The following TRIL variants were observed in gnomAD, a reference collection of about 807,000 sequenced individuals.
The protein encoded by TRIL is TLR4 interactor with leucine rich repeats.
TRIL carries 23 observed loss-of-function variants against 43.0 expected under a neutral mutation model. That is an observed-to-expected ratio of 0.54 (90% CI 0.39 to 0.76). The LOEUF is 0.76. Among genes scored for constraint, TRIL ranks in the 30% least tolerant of loss-of-function variants. The pLI is 0.00. For synonymous variants in TRIL, 602 were observed against 556.8 expected (o/e 1.08, Z -1.14); for missense variants, 1,114 against 1,139.3 (o/e 0.98, Z 0.32).
chr7:28,955,802 G>C lies in TRIL; in HGVS notation c.2245C>G (p.Arg749Gly), dbSNP rs1168987426. 6.5e-7 allele frequency: 1 copy of C among 1,550,052 alleles called. No homozygotes were observed. The highest frequency in any genetic ancestry group is 2.0e-5 in the Admixed American group (1 of 51,002). ...RHMYSTRRPL[R>G]SMGTGVSADF... ...GCGGACACGCCGGTGCCCATGGAGC[G>C]CAGGGGCCGTCGGGTGGAGTACATG... Residue 749 changes from arginine (R) to glycine (G), a missense_variant, in exon 1 of 1, where the codon CGC becomes GGC. Coordinates refer to ENST00000539664, the MANE Select transcript of TRIL (RefSeq NM_014817.4).
rs1222296705 is a variant in TRIL at position 28,956,663 on chromosome 7, AT to A, written c.1383del (p.Leu463Ter). ...CCATCCCAGGCCACCCCAGCTAGAA[AT>A]CGCCCCTGCTGCTGGAGCTGCGGCT... ...PPQPQLQQQGRFLAGVAWDGA... is the reference protein window; with the variant it reads ...PPQPQLQQQGXFLAGVAWDGA... On this transcript the variant is annotated frameshift_variant, in exon 1 of 1. Transcript: ENST00000539664. LOFTEE classifies it high-confidence loss of function. 1 of 1,575,714 alleles carries A rather than the reference AT, an allele frequency of 6.3e-7. No individual in the cohort carries two copies. Among genetic ancestry groups the A allele is most frequent in the Non-Finnish European group, 8.6e-7 (1 of 1,165,186 alleles).
Position 28,957,156 on chromosome 7 carries a change from C to T in TRIL, c.891G>A (p.Leu297=), listed in dbSNP as rs1179193298. The T allele has an allele frequency of 4.4e-6, 7 of 1,589,700 alleles. No homozygotes were observed. Among genetic ancestry groups the T allele is most frequent in the Non-Finnish European group, 5.1e-6 (6 of 1,171,262 alleles). ...GCGCCTCCAGGCTGTGCAGAGGCTCCAGCAGCGCAGTTGGCAGCTGGCTCA... is the reference window on the plus strand; with the variant it reads ...GCGCCTCCAGGCTGTGCAGAGGCTCTAGCAGCGCAGTTGGCAGCTGGCTCA... ...NRLSQLPTAL[L]EPLHSLEALD... The change falls in exon 1 of 1, where the codon CTG becomes CTA. Residue 297 remains leucine (L), a synonymous_variant. Transcript: ENST00000539664.
In TRIL at chr7:28,956,383, A is replaced by C. The variant is rs1180214890; in HGVS notation, c.1664T>G (p.Leu555Arg). The C allele has an allele frequency of 1.3e-6, 2 of 1,534,942 alleles. No homozygotes were observed. Among genetic ancestry groups the C allele is most frequent in the Non-Finnish European group, 1.7e-6 (2 of 1,146,682 alleles). The change falls in exon 1 of 1, where the codon CTG becomes CGG. Residue 555 changes from leucine (L) to arginine (R), a missense_variant. Transcript: ENST00000539664. ...DPWQRATKHR[L>R]GTEHQERAAQ... ...GGCACGCTCCTGGTGCTCCGTGCCC[A>C]GACGATGCTTCGTCGCGCGCTGCCA... is the stretch of plus-strand genomic sequence containing the variant.
rs1174999035 is a variant in TRIL, at chr7:28,957,779, G to A, written c.268C>T (p.Leu90=). The A allele has an allele frequency of 6.2e-7, 1 of 1,613,990 alleles. No homozygotes were observed. The highest frequency in any genetic ancestry group is 1.3e-5 in the African/African-American group (1 of 75,058). Residue 90 remains leucine (L), a synonymous_variant, in exon 1 of 1, where the codon CTG becomes TTG. Coordinates refer to ENST00000539664, the MANE Select transcript of TRIL (RefSeq NM_014817.4). ...AGAGAGCGGATCTGGTTGTACTGCA[G>A]GTCCAGCCGTCTGAGCTGCCCCAGA... ...HRLGQLRRLD[L]QYNQIRSLHP...
chr7:28,954,458 A>G lies in TRIL; in HGVS notation c.*1153T>C, dbSNP rs770495092. 4 of 152,512 alleles carry G rather than the reference A, an allele frequency of 2.6e-5. No individual in the cohort carries two copies. Among genetic ancestry groups the G allele is most frequent in the Non-Finnish European group, 5.9e-5 (4 of 68,012 alleles). 9.4% of individuals were successfully genotyped at this position (152,512 alleles called of 1,614,324 possible). On this transcript the variant is annotated 3_prime_UTR_variant, in exon 1 of 1. Coordinates refer to ENST00000539664, the MANE Select transcript of TRIL (RefSeq NM_014817.4). ...ATACCCACTGGTGTATTTTTTTCAC[A>G]TTTGTTTTCTATAATTTCTTCCCCT...
rs374090229 is a variant in TRIL at position 28,956,103 on chromosome 7, C to T, written c.1944G>A (p.Leu648=). The T allele has an allele frequency of 5.4e-4, 848 of 1,557,926 alleles. 5 individuals are homozygous for T. The African/African-American group carries it at 0.01, about 19-fold the overall frequency. The change falls in exon 1 of 1, where the codon CTG becomes CTA. Residue 648 remains leucine, a synonymous_variant. Coordinates refer to ENST00000539664, the MANE Select transcript of TRIL (RefSeq NM_014817.4). ...AGGGGGTGTCCCCGCGCAGCTCGCG[C>T]AGCGTGGCCGAGTCGCTGCTCTCAG... ...YLPESSDSAT[L]RELRGDTPYL...
At position 28,956,582 on chromosome 7, in the gene TRIL, G is replaced by A. The variant is rs762023109; in HGVS notation, c.1465C>T (p.Pro489Ser). The change falls in exon 1 of 1, where the codon CCG becomes TCG. Residue 489 changes from proline to serine, a missense_variant. Physicochemically the swap from Pro to Ser is moderately conservative, Grantham distance 74 (BLOSUM62 -1). Coordinates refer to ENST00000539664, the MANE Select transcript of TRIL (RefSeq NM_014817.4). ...RSALRLSRRG[P>S]GLQQPSPSVA... Reference sequence around the variant, plus strand: ...GAGGGGCTGGGCTGCTGGAGGCCCGGGCCCCGCCGACTCAGCCTTAGGGCG... The same window carrying A: ...GAGGGGCTGGGCTGCTGGAGGCCCGAGCCCCGCCGACTCAGCCTTAGGGCG... 7.7e-6 allele frequency: 12 copies of A among 1,555,330 alleles called. No individual in the cohort carries two copies. The highest frequency in any genetic ancestry group is 1.0e-5 in the Non-Finnish European group (12 of 1,158,620).
In TRIL at chr7:28,957,167, T is replaced by G. The variant is rs61733930; in HGVS notation, c.880A>C (p.Thr294Pro). ...CTGTGCAGAGGCTCCAGCAGCGCAG[T>G]TGGCAGCTGGCTCAGCCGATTACCC... ...LEGNRLSQLP[T>P]ALLEPLHSLE... is the part of the protein sequence containing the mutation. Residue 294 changes from threonine (T) to proline (P), a missense_variant, in exon 1 of 1, where the codon ACT becomes CCT. Coordinates refer to ENST00000539664, the MANE Select transcript of TRIL (RefSeq NM_014817.4). The G allele has an allele frequency of 2.8e-4, 450 of 1,593,368 alleles. No homozygotes were observed. In the African/African-American group the frequency reaches 5.3e-3, roughly 19 times the overall value.
In TRIL at chr7:28,956,530, G is replaced by A. The variant is rs1473682088; in HGVS notation, c.1517C>T (p.Pro506Leu). The part of the protein sequence containing the change: ...PSVAAAAGPA[P>L]QSLDLHKKPQ... ...CTTCTTGTGCAGGTCTAGGGACTGT[G>A]GAGCCGGGCCCGCGGCGGCAGCGAC... The change falls in exon 1 of 1, where the codon CCA becomes CTA. Residue 506 changes from proline (P) to leucine (L), a missense_variant. Coordinates refer to ENST00000539664, the MANE Select transcript of TRIL (RefSeq NM_014817.4). The A allele has an allele frequency of 1.7e-5, 26 of 1,561,128 alleles. No homozygotes were observed. The highest frequency in any genetic ancestry group is 2.2e-5 in the Non-Finnish European group (25 of 1,161,756).
At position 28,956,129 on chromosome 7, in the gene TRIL, G is replaced by A; in HGVS notation, c.1918C>T (p.Pro640Ser). Residue 640 changes from proline (P) to serine (S), a missense_variant, in exon 1 of 1, where the codon CCT becomes TCT. Coordinates refer to ENST00000539664, the MANE Select transcript of TRIL (RefSeq NM_014817.4). Reference sequence around the variant, plus strand: ...AGCGTGGCCGAGTCGCTGCTCTCAGGCAGGTAGACGAAGCGGTGGAACTTG... The same window carrying A: ...AGCGTGGCCGAGTCGCTGCTCTCAGACAGGTAGACGAAGCGGTGGAACTTG... The part of the protein sequence containing the change: ...QPKFHRFVYL[P>S]ESSDSATLRE... 1.9e-6 allele frequency: 3 copies of A among 1,564,796 alleles called. No homozygotes were observed. The highest frequency in any genetic ancestry group is 2.6e-6 in the Non-Finnish European group (3 of 1,156,670).
chr7:28,955,738 G>C lies in TRIL; in HGVS notation c.2309C>G (p.Thr770Ser). 6.4e-7 allele frequency: 1 copy of C among 1,550,410 alleles called. No homozygotes were observed. Among genetic ancestry groups the C allele is most frequent in the Middle Eastern group, 1.7e-4 (1 of 5,974 alleles). The stretch of plus-strand genomic sequence containing the variant: ...GTCCGCCTCACTGAGCGCGCACACG[G>C]TGGTGCGTGGCCGGTGCGACTGGAA... ...SGFQSHRPRT[T>S]VCALSEADLI... Residue 770 changes from threonine to serine, a missense_variant, in exon 1 of 1, where the codon ACC (threonine) becomes AGC (serine). Thr to Ser is a moderately conservative substitution (Grantham distance 58). Transcript: ENST00000539664.
In TRIL at chr7:28,957,390, C is replaced by T; in HGVS notation, c.657G>A (p.Leu219=). 4 of 1,613,472 alleles carry T rather than the reference C, an allele frequency of 2.5e-6. No individual in the cohort carries two copies. Among genetic ancestry groups the T allele is most frequent in the Non-Finnish European group, 3.4e-6 (4 of 1,179,858 alleles). ...GCGGTGCGAAGGTGGCCGCGTGGCG[C>T]AGGGAGGGCTGTAGCTCGTTGGCAG... The part of the protein sequence containing the change: ...NLSANELQPS[L]RHAATFAPLR... The change falls in exon 1 of 1, where the codon CTG becomes CTA. Residue 219 remains leucine, a synonymous_variant. Transcript: ENST00000539664.
chr7:28,954,847 A>T lies in TRIL; in HGVS notation c.*764T>A, dbSNP rs187353543. 1 of 152,354 alleles carries T rather than the reference A, an allele frequency of 6.6e-6. No homozygotes were observed. The highest frequency in any genetic ancestry group is 2.4e-5 in the African/African-American group (1 of 41,586). 9.4% of individuals were successfully genotyped at this position (152,354 alleles called of 1,614,324 possible). On this transcript the variant is annotated 3_prime_UTR_variant, in exon 1 of 1. Coordinates refer to ENST00000539664, the MANE Select transcript of TRIL (RefSeq NM_014817.4). ...AGCAACCCTGACAGAGAAGTCTTGC[A>T]TGCAGCCTTCTCCTGAGAAAGTATG...
chr7:28,956,249 C>A lies in TRIL; in HGVS notation c.1798G>T (p.Ala600Ser), dbSNP rs761190848. 1 of 1,547,434 alleles carries A rather than the reference C, an allele frequency of 6.5e-7. No homozygotes were observed. Reference sequence around the variant, plus strand: ...TCGCGCACGGCCCAGCGCACCGAGGCGCTGTCTGCGCCCACCGCCTCCACC... The same window carrying A: ...TCGCGCACGGCCCAGCGCACCGAGGAGCTGTCTGCGCCCACCGCCTCCACC... Reference protein sequence around the residue: ...LTVEAVGADSASVRWAVREHR... With the variant: ...LTVEAVGADSSSVRWAVREHR... Residue 600 changes from alanine to serine, a missense_variant, in exon 1 of 1, where the codon GCC becomes TCC. Physicochemically the swap from Ala to Ser is moderately conservative, Grantham distance 99. Coordinates refer to ENST00000539664, the MANE Select transcript of TRIL (RefSeq NM_014817.4).
chr7:28,957,714 C>T lies in TRIL; in HGVS notation c.333G>A (p.Glu111=), dbSNP rs1159713301. ...KTFEKLSRLE[E]LYLGNNLLQA... is the part of the protein sequence containing the mutation. ...GCAAGAGGTTGTTCCCCAGGTACAGCTCTTCCAGCCGCGAGAGCTTCTCGA... is the reference window on the plus strand; with the variant it reads ...GCAAGAGGTTGTTCCCCAGGTACAGTTCTTCCAGCCGCGAGAGCTTCTCGA... The change falls in exon 1 of 1, where the codon GAG becomes GAA. Residue 111 remains glutamate, a synonymous_variant. Transcript: ENST00000539664. 1.9e-6 allele frequency: 3 copies of T among 1,612,056 alleles called. No homozygotes were observed. The highest frequency in any genetic ancestry group is 1.7e-6 in the Non-Finnish European group (2 of 1,179,088).
chr7:28,956,857 C>A lies in TRIL; in HGVS notation c.1190G>T (p.Arg397Leu). 1 of 1,607,322 alleles carries A rather than the reference C, an allele frequency of 6.2e-7. No homozygotes were observed. The change falls in exon 1 of 1, where the codon CGA (arginine) becomes CTA (leucine). Residue 397 changes from arginine (R) to leucine (L), a missense_variant. Arg to Leu is a moderately radical substitution (Grantham distance 102). Coordinates refer to ENST00000539664, the MANE Select transcript of TRIL (RefSeq NM_014817.4). ...ATCCAGGTAATCCAGGTATTTGCCTCGCAGGGCCGGGGGGTGGCGACACTG... is the reference window on the plus strand; with the variant it reads ...ATCCAGGTAATCCAGGTATTTGCCTAGCAGGGCCGGGGGGTGGCGACACTG... ...FVQCRHPPAL[R>L]GKYLDYLDDQ...
Position 28,955,011 on chromosome 7 carries a change from T to G in TRIL, c.*600A>C, listed in dbSNP as rs965496727. Reference sequence around the variant, plus strand: ...GTTAAATGTCAGAGCTTTTCACATTTTTGAAAAAAAAAAATGCGTCTCTTA... The same window carrying G: ...GTTAAATGTCAGAGCTTTTCACATTGTTGAAAAAAAAAAATGCGTCTCTTA... On this transcript the variant is annotated 3_prime_UTR_variant, in exon 1 of 1. Coordinates refer to ENST00000539664, the MANE Select transcript of TRIL (RefSeq NM_014817.4). 6.7e-5 allele frequency: 7 copies of G among 103,848 alleles called. No individual in the cohort carries two copies. The highest frequency in any genetic ancestry group is 1.9e-4 in the African/African-American group (7 of 37,528). The allele number at this position is 103,848 out of a possible 1,614,324, so 6.4% of individuals were successfully genotyped here.
Position 28,957,923 on chromosome 7 carries a change from T to C in TRIL, c.124A>G (p.Thr42Ala). The C allele has an allele frequency of 3.1e-6, 5 of 1,611,424 alleles. No individual in the cohort carries two copies. Among genetic ancestry groups the C allele is most frequent in the Non-Finnish European group, 4.2e-6 (5 of 1,179,798 alleles). Residue 42 changes from threonine to alanine, a missense_variant, in exon 1 of 1, where the codon ACC becomes GCC. Transcript: ENST00000539664. ...GGCACTACGCGGAGCCCCCTGTTGG[T>C]GCACAGGAGATGCTGGGGATGCTGG... ...DCQHPQHLLC[T>A]NRGLRVVPKT...
In TRIL at chr7:28,956,432, C is replaced by G; in HGVS notation, c.1615G>C (p.Ala539Pro). ...EPTPTASPGS[A>P]PSPAGDPWQR... ...CAGGGGTCGCCGGCGGGCGATGGCG[C>G]AGAGCCAGGAGAGGCCGTTGGGGTG... The change falls in exon 1 of 1, where the codon GCG becomes CCG. Residue 539 changes from alanine (A) to proline (P), a missense_variant. By Grantham distance (27) the Ala-to-Pro change is conservative. Transcript: ENST00000539664. 1.9e-6 allele frequency: 3 copies of G among 1,541,218 alleles called. No individual in the cohort carries two copies. Among genetic ancestry groups the G allele is most frequent in the Non-Finnish European group, 2.6e-6 (3 of 1,150,298 alleles).
Sources: allele counts gnomAD v4.1 joint callset, GRCh38; gene constraint gnomAD v4.1.1; transcripts MANE v1.5; gene names NCBI Gene and HGNC (gene_info 2026-07-23, HGNC 2026-07-21).